The following CHD9 variants were observed in gnomAD, a reference collection of about 807,000 sequenced individuals.
The protein encoded by CHD9 is ATP-dependent chromatin remodeler CHD9.
Under a neutral mutation model 316.1 loss-of-function variants are expected in CHD9, and 77 were observed. The observed-to-expected ratio is 0.24, with a 90% confidence interval of 0.20 to 0.29. The LOEUF is 0.29. Ranked by LOEUF, CHD9 falls within the 10% of genes least tolerant of loss-of-function variation. The pLI is 1.00. For synonymous variants in CHD9, 1,129 were observed against 1,158.3 expected (o/e 0.97, Z 0.51); for missense variants, 2,763 against 3,438.1 (o/e 0.80, Z 4.91).
chr16:53,074,073 G>A (rs1056004663), intron 1 of CHD9, among the ~76,000 whole-genome samples: 24 of 152,208 alleles, frequency 1.6e-4, no homozygotes, highest in Admixed American at 1.4e-3. Context: ...CAATGAAATC[G>A]AGGCTGAGGT....
chr16:53,112,542 T>C (rs1230558244), intron 1 of CHD9, among the ~76,000 whole-genome samples: 2 of 152,248 alleles, frequency 1.3e-5, no homozygotes, highest in Non-Finnish European at 2.9e-5. Context: ...GTAAGTATTA[T>C]GGGCCATTCT....
intron 15 of CHD9, among the ~76,000 whole-genome samples, chr16:53,246,718 C>G (rs1046188089): frequency 2.6e-5 from 4 of 151,648 alleles, no homozygotes; most frequent in African/African-American, 9.7e-5. Flanking sequence ...GAGATGGGGT[C>G]TTGTTATATT....
At chr16:53,072,458 G>A (rs769999048) in intron 1 of CHD9, among the ~76,000 whole-genome samples, 2 of 147,880 alleles carry the variant, frequency 1.4e-5, no homozygotes, top group Non-Finnish European at 3.0e-5. Flanking sequence ...AGAGTACAGT[G>A]GTGTAATCAT....
chr16:53,203,970 G>A (rs1364218469), intron 2 of CHD9, among the ~76,000 whole-genome samples: 4 of 136,054 alleles, frequency 2.9e-5, no homozygotes, highest in African/African-American at 1.1e-4. Context: ...CTTGCAGTGA[G>A]CCGAGATCAC....
intron 1 of CHD9, among the ~76,000 whole-genome samples, chr16:53,146,053 G>A (rs186759205): frequency 2.6e-5 from 4 of 151,806 alleles, no homozygotes; most frequent in African/African-American, 9.7e-5. Context: ...GTGATTGCCA[G>A]GAGTAAGGGT....
intron 24 of CHD9, among the ~76,000 whole-genome samples, chr16:53,282,468 C>T (rs2053497445): frequency 1.3e-5 from 2 of 151,946 alleles, no homozygotes; most frequent in Non-Finnish European, 2.9e-5. Context: ...TGGCTAGGTG[C>T]GGTAGTGCAT....
chr16:53,318,777 A>G (rs73612160), intron 37 of CHD9, among the ~76,000 whole-genome samples: 4,924 of 152,286 alleles, frequency 0.032, 97 homozygotes, highest in Middle Eastern at 0.071. Flanking sequence ...ACAACCCCCT[A>G]CAATACCAAT....
chr16:53,274,924 G>T (rs2052657799), intron 24 of CHD9, among the ~76,000 whole-genome samples: 1 of 152,074 alleles, frequency 6.6e-6, no homozygotes, highest in Non-Finnish European at 1.5e-5. Flanking sequence ...TCTCATCTTG[G>T]CCATCACTAG....
chr16:53,245,430 C>A lies in CHD9; in HGVS notation c.3149C>A (p.Ser1050Tyr). The change falls in exon 14 of 39, where the codon TCT (serine) becomes TAT (tyrosine). Residue 1050 changes from serine to tyrosine, a missense_variant. Ser to Tyr is a moderately radical substitution (Grantham distance 144). Transcript: ENST00000447540. This position sits in a 1 kb window ranked among gnomAD's most constrained non-coding sequence, Gnocchi z 4.1. ...LHFLEPLRFPSESTFMQEFGD... is the reference protein window; with the variant it reads ...LHFLEPLRFPYESTFMQEFGD... ...TTTCTTGAACCCTTAAGGTTTCCTT[C>A]TGAATCAACATTTATGCAAGAATTT... is the stretch of plus-strand genomic sequence containing the variant. 1 of 1,606,588 alleles carries A rather than the reference C, an allele frequency of 6.2e-7. No individual in the cohort carries two copies. The highest frequency in any genetic ancestry group is 8.5e-7 in the Non-Finnish European group (1 of 1,177,634).
intron 2 of CHD9, among the ~76,000 whole-genome samples, chr16:53,179,075 C>A (rs1411541278): frequency 2.0e-5 from 3 of 152,134 alleles, no homozygotes; most frequent in African/African-American, 7.2e-5. Flanking sequence ...ATGTGAATCA[C>A]TTAGAGTCAA....
chr16:53,281,793 C>T (rs376142718), intron 24 of CHD9, among the ~76,000 whole-genome samples: 4 of 152,108 alleles, frequency 2.6e-5, no homozygotes, highest in Admixed American at 6.6e-5. Flanking sequence ...TCCACAGAAC[C>T]GCCCCTTCAG....
intron 1 of CHD9, among the ~76,000 whole-genome samples, chr16:53,099,503 G>A (rs1284574181): frequency 6.6e-6 from 1 of 151,898 alleles, no homozygotes; most frequent in African/African-American, 2.4e-5. Flanking sequence ...ACACCGAGGG[G>A]GACGGCCCGC....
chr16:53,287,449 T>G (rs1416243926), intron 26 of CHD9, among the ~76,000 whole-genome samples: 1 of 152,232 alleles, frequency 6.6e-6, no homozygotes, highest in East Asian at 1.9e-4. Context: ...AACTCGCGGC[T>G]GGATGCACTT....
chr16:53,127,717 T>A (rs370892673), intron 1 of CHD9, among the ~76,000 whole-genome samples: 2 of 151,922 alleles, frequency 1.3e-5, no homozygotes, highest in African/African-American at 4.8e-5. Flanking sequence ...GGTCAGGAGT[T>A]CAAGACCAGC....
In CHD9 at chr16:53,080,005, G is replaced by A. The variant is rs552757091; in HGVS notation, c.-165+24928G>A. 3.1e-3 allele frequency among the ~76,000 whole-genome samples: 477 copies of A among 152,284 alleles called. 1 individual carries two copies. Among genetic ancestry groups the A allele is most frequent in the Non-Finnish European group, 5.2e-3 (352 of 68,020 alleles). On this transcript the variant is annotated intron_variant, in intron 1 of 38. Coordinates refer to ENST00000447540, the MANE Select transcript of CHD9 (RefSeq NM_001308319.2). Reference sequence around the variant, plus strand: ...TGGGGACCTCCTGAATTTATAGCTGGTTGGTCAGAAGTCCCAGAGATCCGG... The same window carrying A: ...TGGGGACCTCCTGAATTTATAGCTGATTGGTCAGAAGTCCCAGAGATCCGG...
At chr16:53,101,446 TA>T (rs2036879781) in intron 1 of CHD9, among the ~76,000 whole-genome samples, 1 of 152,112 alleles carries the variant, frequency 6.6e-6, no homozygotes, top group Non-Finnish European at 1.5e-5. Flanking sequence ...AACTAATTTT[TA>T]AATTTTTTGT....
Position 53,127,549 on chromosome 16 carries a change from G to A in CHD9, c.-164-28377G>A, listed in dbSNP as rs572102981. ...CCTTTGGGGCCAGACAGTTCTAAGT[G>A]TGAATATTGTTTCTGCCACTCAATG... On this transcript the variant is annotated intron_variant, in intron 1 of 38. Coordinates refer to ENST00000447540, the MANE Select transcript of CHD9 (RefSeq NM_001308319.2). Among the ~76,000 whole-genome samples the A allele has an allele frequency of 2.0e-5, 3 of 152,230 alleles. No individual in the cohort carries two copies. In the South Asian group the frequency reaches 6.2e-4, roughly 32 times the overall value.
At chr16:53,101,903 A>G (rs2036916480) in intron 1 of CHD9, among the ~76,000 whole-genome samples, 1 of 151,968 alleles carries the variant, frequency 6.6e-6, no homozygotes, top group Non-Finnish European at 1.5e-5. Context: ...TCCATCATGA[A>G]CTCCACATCT....
chr16:53,242,776 TGACA>T, intron 12 of CHD9, 60 bp from the exon 13 acceptor site: 1 of 1,428,166 alleles, frequency 7.0e-7, no homozygotes, highest in Non-Finnish European at 9.7e-7. Flanking sequence ...TGATGCCACT[TGACA>T]GGAATAAAAA....
Sources: allele counts gnomAD v4.1 joint callset (sites outside exome capture counted in the v4.1 genomes callset), GRCh38; gene constraint gnomAD v4.1.1; non-coding constraint Gnocchi (gnomAD v3.1); transcripts MANE v1.5; gene names NCBI Gene and HGNC (gene_info 2026-07-23, HGNC 2026-07-21).